LINGO2: variants seen among roughly 807,000 people sequenced by gnomAD.
The protein encoded by LINGO2 is leucine rich repeat and Ig domain containing 2, also known as leucine-rich repeat and immunoglobulin-like domain-containing nogo receptor-interacting protein 2.
LINGO2 carries 14 observed loss-of-function variants against 30.6 expected under a neutral mutation model. That is an observed-to-expected ratio of 0.46 (90% CI 0.30 to 0.72). The LOEUF is 0.72. Among genes scored for constraint, LINGO2 ranks in the 30% least tolerant of loss-of-function variants. The pLI is 0.07. For synonymous variants in LINGO2, 317 were observed against 288.5 expected (o/e 1.10, Z -1.00); for missense variants, 729 against 751.7 (o/e 0.97, Z 0.35).
chr9:28,436,161 C>A (rs1823912577), intron 2 of LINGO2, among the ~76,000 whole-genome samples: 1 of 152,118 alleles, frequency 6.6e-6, no homozygotes, highest in Admixed American at 6.5e-5. Context: ...ATTGCAAGGA[C>A]TTCAAGTATT....
chr9:28,437,203 G>A (rs1211878882), intron 2 of LINGO2, among the ~76,000 whole-genome samples: 1 of 152,146 alleles, frequency 6.6e-6, no homozygotes, highest in South Asian at 2.1e-4. Context: ...AAGACAAAAA[G>A]GCAGAGGAAA....
chr9:29,212,384 G>A, the LINGO2 span, among the ~76,000 whole-genome samples: 1 of 151,886 alleles, frequency 6.6e-6, no homozygotes, highest in Non-Finnish European at 1.5e-5. Flanking sequence ...GGAACAGCAG[G>A]CGACCTGCGG....
chr9:28,232,529 G>A (rs969024495), intron 4 of LINGO2, among the ~76,000 whole-genome samples: 11 of 149,390 alleles, frequency 7.4e-5, no homozygotes, highest in Non-Finnish European at 1.6e-4. Flanking sequence ...ATGATGTTTT[G>A]TTATATGTAA....
the LINGO2 span, among the ~76,000 whole-genome samples, chr9:29,010,801 G>C: frequency 6.6e-6 from 1 of 151,966 alleles, no homozygotes; most frequent in Non-Finnish European, 1.5e-5. Context: ...AGAATCACTC[G>C]AACCCAGGAG....
the LINGO2 span, among the ~76,000 whole-genome samples, chr9:28,769,485 TATATATATATATATATATATATATA>T: frequency 2.8e-4 from 1 of 3,608 alleles, no homozygotes; most frequent in Admixed American, 3.0e-3. Flanking sequence ...TATATATATA[TATATATATATATATATATATATATA>T]TATATATATT....
chr9:28,777,355 G>A, the LINGO2 span, among the ~76,000 whole-genome samples: 1 of 152,150 alleles, frequency 6.6e-6, no homozygotes, highest in African/African-American at 2.4e-5. Flanking sequence ...CTGAAGAAAA[G>A]TAGGCAGGGT....
intron 1 of LINGO2, among the ~76,000 whole-genome samples, chr9:28,579,590 T>C (rs1257782974): frequency 6.6e-6 from 1 of 152,126 alleles, no homozygotes; most frequent in Non-Finnish European, 1.5e-5. Context: ...AAATATTATA[T>C]GATTTTGCTC....
chr9:28,967,621 C>T, the LINGO2 span, among the ~76,000 whole-genome samples: 6 of 152,108 alleles, frequency 3.9e-5, no homozygotes, highest in Admixed American at 3.3e-4. Flanking sequence ...TATGTTTTAT[C>T]ACCTTTTATT....
intron 4 of LINGO2, among the ~76,000 whole-genome samples, chr9:28,088,992 A>T (rs1825995707): frequency 1.3e-5 from 2 of 152,212 alleles, no homozygotes; most frequent in South Asian, 4.1e-4. Flanking sequence ...TGGTAAAGGG[A>T]TCAATTCAAC....
In LINGO2 at chr9:28,556,486, G is replaced by A. The variant is rs1159396311; in HGVS notation, c.-364-80461C>T. On this transcript the variant is annotated intron_variant, in intron 1 of 5. Transcript: ENST00000379992. ...AGAGAACGACAAACCACTGCTCAAC[G>A]ACATAAAAGAGGATACAAACAAATG... Among the ~76,000 whole-genome samples the A allele has an allele frequency of 3.9e-5, 6 of 152,016 alleles. No individual in the cohort carries two copies. The South Asian group carries it at 1.0e-3, about 26-fold the overall frequency.
chr9:28,461,369 T>G (rs1303305784), intron 2 of LINGO2, among the ~76,000 whole-genome samples: 2 of 152,166 alleles, frequency 1.3e-5, no homozygotes, highest in Admixed American at 1.3e-4. Flanking sequence ...CGTGGCTTTC[T>G]GAAATGGTGT....
At chr9:28,557,013 C>T (rs1822743202) in intron 1 of LINGO2, among the ~76,000 whole-genome samples, 1 of 151,678 alleles carries the variant, frequency 6.6e-6, no homozygotes, top group African/African-American at 2.4e-5. Flanking sequence ...GGATTAAAGA[C>T]TTAAACGTTA....
At chr9:28,794,150 GAA>G in the LINGO2 span, among the ~76,000 whole-genome samples, 1 of 152,042 alleles carries the variant, frequency 6.6e-6, no homozygotes, top group African/African-American at 2.4e-5. Flanking sequence ...CTAAAAATAC[GAA>G]AATTAGCCGG....
chr9:28,578,716 G>C (rs1180497551), intron 1 of LINGO2, among the ~76,000 whole-genome samples: 6 of 152,070 alleles, frequency 3.9e-5, no homozygotes, highest in Admixed American at 3.9e-4. Context: ...CAAAGATCAA[G>C]CTTTGCCTTC....
intron 2 of LINGO2, among the ~76,000 whole-genome samples, chr9:28,398,941 G>C (rs956174178): frequency 2.6e-5 from 4 of 152,030 alleles, no homozygotes; most frequent in African/African-American, 7.2e-5. Context: ...TTCCATCTCA[G>C]TTCAATCACA....
rs146881336 is a variant in LINGO2 at position 28,235,417 on chromosome 9, C to T, written c.-87+59791G>A. Among the ~76,000 whole-genome samples, 466 of 152,272 alleles carry T rather than the reference C, an allele frequency of 3.1e-3. 2 individuals are homozygous for T. The highest frequency in any genetic ancestry group is 1.0e-2 in the African/African-American group (415 of 41,564). On this transcript the variant is annotated intron_variant, in intron 4 of 5. Coordinates refer to ENST00000379992, the Ensembl canonical transcript of LINGO2. ...TAAAGACTATAGTAAATACCTAACT[C>T]TTCAATGCCCAGACACTAGAGAATA...
intron 4 of LINGO2, among the ~76,000 whole-genome samples, chr9:28,253,609 C>G (rs1187705137): frequency 6.6e-6 from 1 of 152,038 alleles, no homozygotes; most frequent in East Asian, 1.9e-4. Flanking sequence ...GAAAAAAAGT[C>G]TTTTCTCAGA....
At chr9:28,446,901 C>T (rs917960121) in intron 2 of LINGO2, among the ~76,000 whole-genome samples, 1 of 152,152 alleles carries the variant, frequency 6.6e-6, no homozygotes, top group African/African-American at 2.4e-5. Flanking sequence ...TCTATGCTCC[C>T]TCTCACTCTC....
the LINGO2 span, among the ~76,000 whole-genome samples, chr9:29,024,855 G>A: frequency 1.3e-5 from 2 of 152,086 alleles, no homozygotes; most frequent in South Asian, 2.1e-4. Context: ...TCTGGAATAC[G>A]TCAGTTCAAC....
Sources: allele counts gnomAD v4.1 joint callset (sites outside exome capture counted in the v4.1 genomes callset), GRCh38; gene constraint gnomAD v4.1.1; transcripts MANE v1.5; gene names NCBI Gene and HGNC (gene_info 2026-07-23, HGNC 2026-07-21).